The following MLLT10 variants were observed in gnomAD, a reference collection of about 807,000 sequenced individuals.
MLLT10 encodes the protein MLLT10 histone lysine methyltransferase DOT1L cofactor.
A neutral mutation model predicts 129.1 loss-of-function variants in MLLT10; 30 were observed. The observed-to-expected ratio is 0.23, with a 90% CI of 0.17 to 0.32. The LOEUF (loss-of-function observed/expected upper bound fraction) is 0.32. Ranked by LOEUF, MLLT10 falls within the 10% of genes least tolerant of loss-of-function variation. The pLI is 1.00. For synonymous variants in MLLT10, 490 were observed against 446.4 expected, an observed-to-expected ratio of 1.10 and a Z score of -1.23; for missense variants, 1,119 against 1,268.3, an observed-to-expected ratio of 0.88 and a Z score of 1.79.
intron 10 of MLLT10, among the ~76,000 whole-genome samples, chr10:21,672,168 A>AGTGTGT (rs55769872): frequency 0.15 from 20,184 of 134,176 alleles, 1,589 homozygotes; most frequent in African/African-American, 0.17. Flanking sequence ...CCAGGTTTTC[A>AGTGTGT]GTGTGTGTGT....
At chr10:21,615,081 T>C (rs1166373896) in intron 7 of MLLT10, among the ~76,000 whole-genome samples, 157 bp downstream of exon 7, 1 of 152,178 alleles carries the variant, frequency 6.6e-6, no homozygotes, top group African/African-American at 2.4e-5. Flanking sequence ...TAAATAGATC[T>C]GTTAATAGTA....
chr10:21,687,341 G>T (rs2053405888), intron 13 of MLLT10, among the ~76,000 whole-genome samples: 1 of 152,180 alleles, frequency 6.6e-6, no homozygotes, highest in African/African-American at 2.4e-5. Flanking sequence ...GAAGCATTAA[G>T]TGGATAGGAT....
At chr10:21,619,066 ACACT>A (rs2045558965) in intron 8 of MLLT10, among the ~76,000 whole-genome samples, 1 of 140,682 alleles carries the variant, frequency 7.1e-6, no homozygotes. Context: ...ACACACACAC[ACACT>A]TTTTTTAGAT....
intron 13 of MLLT10, among the ~76,000 whole-genome samples, chr10:21,701,601 T>A (rs866372331): frequency 6.6e-6 from 1 of 152,054 alleles, no homozygotes; most frequent in Non-Finnish European, 1.5e-5. Context: ...ATATATATAT[T>A]TTGAAGATGG....
At chr10:21,620,033 G>A (rs571591779) in intron 8 of MLLT10, among the ~76,000 whole-genome samples, 15 of 151,300 alleles carry the variant, frequency 9.9e-5, no homozygotes, top group African/African-American at 3.2e-4. Flanking sequence ...GGGTTCAAGC[G>A]ATTCTCCTGC....
intron 13 of MLLT10, among the ~76,000 whole-genome samples, chr10:21,682,927 C>T (rs947462003): frequency 6.6e-6 from 1 of 152,128 alleles, no homozygotes. Context: ...AGGCTAGTGT[C>T]AACTTTGTTG....
intron 17 of MLLT10, among the ~76,000 whole-genome samples, 153 bp from the exon 18 acceptor site, chr10:21,732,746 C>T (rs570559307): frequency 3.3e-5 from 5 of 152,262 alleles, no homozygotes; most frequent in Admixed American, 2.6e-4. Context: ...TATCCATAAA[C>T]AAATTTAGGA....
At chr10:21,603,219 ATTTTTTT>A (rs75168518) in intron 5 of MLLT10, among the ~76,000 whole-genome samples, 1 of 128,664 alleles carries the variant, frequency 7.8e-6, no homozygotes, top group Non-Finnish European at 1.7e-5. Flanking sequence ...TGCTCGGCTA[ATTTTTTT>A]TTTTTTTTTT....
chr10:21,675,074 G>A (rs1375892307), intron 11 of MLLT10, among the ~76,000 whole-genome samples: 1 of 152,160 alleles, frequency 6.6e-6, no homozygotes, highest in Non-Finnish European at 1.5e-5. Context: ...TTTGTTATGT[G>A]CCAGTTCTGT....
chr10:21,535,672 T>A (rs1219068763), intron 2 of MLLT10, among the ~76,000 whole-genome samples: 1 of 152,216 alleles, frequency 6.6e-6, no homozygotes, highest in Non-Finnish European at 1.5e-5. Flanking sequence ...TGGTAAGGAA[T>A]CCAGGACAAA....
intron 13 of MLLT10, among the ~76,000 whole-genome samples, chr10:21,685,037 T>A (rs920133864): frequency 2.0e-5 from 3 of 152,206 alleles, no homozygotes; most frequent in African/African-American, 7.2e-5. Flanking sequence ...CTCTCTTTTT[T>A]AATACTTCTG....
chr10:21,738,681 C>T (rs1249832291), intron 21 of MLLT10: 18 of 505,996 alleles, frequency 3.6e-5, no homozygotes, highest in Non-Finnish European at 4.3e-5. Flanking sequence ...TTCATCTTAA[C>T]GTCACCTGGC....
At chr10:21,740,260 T>G (rs754260894) in intron 22 of MLLT10, 24 bp downstream of exon 22, 3 of 1,603,230 alleles carry the variant, frequency 1.9e-6, no homozygotes, top group African/African-American at 2.7e-5. Flanking sequence ...CCTTACTACA[T>G]CTAATGAAAC....
At chr10:21,722,381 C>T (rs2057194974) in intron 14 of MLLT10, among the ~76,000 whole-genome samples, 1 of 152,158 alleles carries the variant, frequency 6.6e-6, no homozygotes, top group Non-Finnish European at 1.5e-5. Flanking sequence ...AAACAGTCTT[C>T]TGGTATATTA....
intron 3 of MLLT10, among the ~76,000 whole-genome samples, chr10:21,565,354 C>G (rs1224739321): frequency 6.6e-6 from 1 of 152,136 alleles, no homozygotes; most frequent in Non-Finnish European, 1.5e-5. Context: ...GTAGCCTGGG[C>G]TGGAGTGCAG....
At chr10:21,655,966 A>G (rs780510611) in intron 9 of MLLT10, among the ~76,000 whole-genome samples, 2 of 152,178 alleles carry the variant, frequency 1.3e-5, no homozygotes, top group Admixed American at 6.5e-5. Context: ...GAGGTTCACA[A>G]CCGTGTAGGG....
chr10:21,538,814 A>C lies in MLLT10; in HGVS notation c.161-19A>C. ...GTTCTTCGAATCTTAACATTTTAAC[A>C]CATTTCATTTTTCAACAGCTTGCTA... On this transcript the variant is annotated intron_variant, in intron 2 of 22. Coordinates refer to ENST00000307729, the MANE Select transcript of MLLT10 (RefSeq NM_001195626.3). The C allele has an allele frequency of 1.3e-6, 2 of 1,580,496 alleles. No individual in the cohort carries two copies. The highest frequency in any genetic ancestry group is 1.7e-6 in the Non-Finnish European group (2 of 1,152,318).
chr10:21,557,971 A>G (rs2038277137), intron 3 of MLLT10: 2 of 111,602 alleles, frequency 1.8e-5, no homozygotes, highest in Admixed American at 1.2e-4. Context: ...TTTTTTGGAG[A>G]CAGAGTCTCG....
In MLLT10 at chr10:21,733,856, C is replaced by T. The variant is rs1174005065; in HGVS notation, c.2585C>T (p.Ser862Leu). The T allele has an allele frequency of 8.7e-6, 14 of 1,614,160 alleles. No individual in the cohort carries two copies. Among genetic ancestry groups the T allele is most frequent in the East Asian group, 2.2e-5 (1 of 44,884 alleles). The change falls in exon 20 of 23, where the codon TCA becomes TTA. Residue 862 changes from serine (S) to leucine (L), a missense_variant. Physicochemically the swap from Ser to Leu is moderately radical, Grantham distance 145 (BLOSUM62 -2). Around this residue, in one of 5 missense-constraint regions of MLLT10, gnomAD observed 1,004 missense variants for 1,008.7 expected, o/e 1.00. Transcript: ENST00000307729. ...GGGCAGAGTCCGGCTCAACAAGGCT[C>T]AGGAGTGAGTGGAGTTCAGCAGGTC... Reference protein sequence around the residue: ...PAGQSPAQQGSGVSGVQQVNG... With the variant: ...PAGQSPAQQGLGVSGVQQVNG...
Sources: allele counts gnomAD v4.1 joint callset (sites outside exome capture counted in the v4.1 genomes callset), GRCh38; gene constraint gnomAD v4.1.1; regional missense constraint gnomAD v4.1.1; transcripts MANE v1.5; gene names NCBI Gene and HGNC (gene_info 2026-07-23, HGNC 2026-07-21).